The following PDE4D variants were observed in gnomAD, a reference collection of about 807,000 sequenced individuals.
PDE4D encodes 3',5'-cyclic-AMP phosphodiesterase 4D.
Under a neutral mutation model 87.4 loss-of-function variants are expected in PDE4D, and 24 were observed. The ratio of observed to expected loss-of-function variants is 0.27; its 90% CI spans 0.20 to 0.39. The LOEUF is 0.39. Among genes scored for constraint, PDE4D ranks in the 10% least tolerant of loss-of-function variants. PDE4D has a pLI of 1.00. For missense variants in PDE4D, 714 were observed against 1,041.0 expected (o/e 0.69, Z 4.32); for synonymous variants, 384 against 383.2 (o/e 1.00, Z -0.02).
At chr5:59,275,281 G>A (rs1310399980) in intron 1 of PDE4D, 1 of 1,324,614 alleles carries the variant, frequency 7.5e-7, no homozygotes, top group Non-Finnish European at 1.1e-6. Context: ...AAATACTCAA[G>A]GAGTACGTCA....
At chr5:59,971,377 A>AATAAATAAATAT (rs1445467677) in intron 3 of PDE4D, among the ~76,000 whole-genome samples, 1 of 151,568 alleles carries the variant, frequency 6.6e-6, no homozygotes, top group African/African-American at 2.4e-5. Flanking sequence ...TAAATAAATA[A>AATAAATAAATAT]ATAAAAAAGA....
intron 11 of PDE4D, among the ~76,000 whole-genome samples, chr5:58,981,833 G>A (rs1159282954): frequency 6.6e-6 from 1 of 152,038 alleles, no homozygotes; most frequent in Non-Finnish European, 1.5e-5. Context: ...TTAATTACAG[G>A]GCATGGTTAA....
At chr5:59,404,525 G>T (rs764146284) in intron 1 of PDE4D, among the ~76,000 whole-genome samples, 10 of 152,010 alleles carry the variant, frequency 6.6e-5, no homozygotes, top group Non-Finnish European at 1.3e-4. Context: ...CCAGCATGGT[G>T]GTGTGCACCT....
intron 5 of PDE4D, among the ~76,000 whole-genome samples, chr5:59,112,799 CTTTCT>C (rs1242284129): frequency 1.1e-4 from 13 of 122,382 alleles, no homozygotes; most frequent in African/African-American, 3.9e-4. Context: ...CTTCCTTTTT[CTTTCT>C]TTTTTTTTTT....
intron 1 of PDE4D, among the ~76,000 whole-genome samples, chr5:59,437,155 T>C (rs1453173468): frequency 6.6e-6 from 1 of 152,206 alleles, no homozygotes; most frequent in Non-Finnish European, 1.5e-5. Flanking sequence ...TGATGCTCAT[T>C]CATTGAAATT....
At chr5:60,288,894 T>C (rs1194707910) in intron 1 of PDE4D, among the ~76,000 whole-genome samples, 3 of 152,220 alleles carry the variant, frequency 2.0e-5, no homozygotes, top group Non-Finnish European at 2.9e-5. Flanking sequence ...AATCATGCCA[T>C]GTGTGTACCT....
intron 1 of PDE4D, among the ~76,000 whole-genome samples, chr5:59,786,214 C>G (rs1765159478): frequency 1.3e-5 from 2 of 152,258 alleles, no homozygotes; most frequent in South Asian, 4.1e-4. Context: ...TTCAGAAAAC[C>G]TTGAATTGTA....
At chr5:59,070,856 C>T (rs1764670762) in intron 5 of PDE4D, among the ~76,000 whole-genome samples, 1 of 152,134 alleles carries the variant, frequency 6.6e-6, no homozygotes, top group Admixed American at 6.5e-5. Flanking sequence ...ATCCAGAGGC[C>T]TCTTTGACCT....
At chr5:59,839,859 G>C (rs1023686020) in intron 1 of PDE4D, among the ~76,000 whole-genome samples, 1 of 152,056 alleles carries the variant, frequency 6.6e-6, no homozygotes, top group African/African-American at 2.4e-5. Context: ...ACTACAAGGA[G>C]AGGTTATAAA....
Position 59,938,400 on chromosome 5 carries a change from A to C in PDE4D, c.272+50088T>G, listed in dbSNP as rs890191006. 2.0e-5 allele frequency among the ~76,000 whole-genome samples: 3 copies of C among 152,220 alleles called. No homozygotes were observed. In the South Asian group the frequency reaches 6.2e-4, roughly 32 times the overall value. On this transcript the variant is annotated intron_variant, in intron 3 of 16. Transcript: ENST00000502484. ...AAAGCAGTTTTTATTTTCTTAAGTC[A>C]GATCCAGCTCTTTCTGGACTGCATA...
chr5:59,462,587 C>T (rs1286704282), intron 1 of PDE4D, among the ~76,000 whole-genome samples: 1 of 152,160 alleles, frequency 6.6e-6, no homozygotes, highest in Admixed American at 6.5e-5. Context: ...AAATATACCA[C>T]CAGCAACACT....
At chr5:60,491,096 T>G (rs889171916), upstream of PDE4D, 1 of 152,346 alleles carries the variant, frequency 6.6e-6, no homozygotes, top group Non-Finnish European at 1.5e-5. Context: ...TTGGAACCAG[T>G]TTCCTGGTAG....
chr5:59,627,152 T>C (rs1035597426), intron 1 of PDE4D, among the ~76,000 whole-genome samples: 1 of 152,170 alleles, frequency 6.6e-6, no homozygotes, highest in Non-Finnish European at 1.5e-5. Flanking sequence ...TCCAGTAGCA[T>C]TTTTAGTTCT....
At chr5:59,141,028 G>C (rs1334853067) in intron 5 of PDE4D, among the ~76,000 whole-genome samples, 2 of 152,092 alleles carry the variant, frequency 1.3e-5, no homozygotes, top group Non-Finnish European at 2.9e-5. Flanking sequence ...ACTATAAATG[G>C]ATATTTGACT....
chr5:59,041,538 A>G (rs887257580), intron 5 of PDE4D, among the ~76,000 whole-genome samples: 2 of 152,218 alleles, frequency 1.3e-5, no homozygotes, highest in African/African-American at 2.4e-5. Flanking sequence ...TGAGCTGTCC[A>G]TAGTTAGCCT....
intron 2 of PDE4D, among the ~76,000 whole-genome samples, chr5:60,176,223 A>G (rs1322366239): frequency 1.3e-5 from 2 of 152,198 alleles, no homozygotes; most frequent in African/African-American, 4.8e-5. Context: ...TTGCTGGTTT[A>G]CATGACATCT....
At chr5:59,952,784 T>TAGCC (rs1183317088) in intron 3 of PDE4D, among the ~76,000 whole-genome samples, 6 of 152,226 alleles carry the variant, frequency 3.9e-5, no homozygotes, top group African/African-American at 1.2e-4. Flanking sequence ...CTGAAGTCTC[T>TAGCC]AGCCCACAGC....
intron 1 of PDE4D, among the ~76,000 whole-genome samples, chr5:59,387,418 C>A (rs191490718): frequency 1.3e-5 from 2 of 152,030 alleles, no homozygotes; most frequent in African/African-American, 2.4e-5. Flanking sequence ...ATAAGACTAA[C>A]TATTATAAAT....
intron 3 of PDE4D, among the ~76,000 whole-genome samples, chr5:59,931,923 G>A (rs1410867968): frequency 2.6e-5 from 4 of 151,986 alleles, no homozygotes; most frequent in Non-Finnish European, 5.9e-5. Context: ...GGATGGTCTT[G>A]ATCTCCTGAC....
Sources: gnomAD v4.1 joint callset for allele counts (sites outside exome capture counted in the v4.1 genomes callset) on GRCh38, gnomAD v4.1.1 for gene constraint, MANE v1.5 for transcripts, NCBI Gene and HGNC (gene_info 2026-07-23, HGNC 2026-07-21) for gene names.